Variants in ATP12A observed in about 807,000 individuals in gnomAD.
ATP12A encodes potassium-transporting ATPase alpha chain 2.
A neutral mutation model predicts 111.2 loss-of-function variants in ATP12A; 81 were observed. The observed-to-expected ratio is 0.73, with a 90% confidence interval of 0.61 to 0.88. The LOEUF is 0.88. ATP12A is among the 40% of genes least tolerant of loss of function. The probability of loss-of-function intolerance (pLI) is 0.00; values close to 1 mark genes in which losing one functional copy is unlikely to be tolerated. For missense variants in ATP12A, 1,196 were observed against 1,313.1 expected (o/e 0.91, Z 1.38); for synonymous variants, 498 against 499.8 (o/e 1.00, Z 0.05).
rs1350595324 is a variant in ATP12A, at chr13:24,687,310, A to T, written c.229-1009A>T. 8.5e-5 allele frequency among the ~76,000 whole-genome samples: 13 copies of T among 152,282 alleles called. 1 individual carries two copies. The East Asian group carries it at 2.1e-3, about 25-fold the overall frequency. On this transcript the variant is annotated intron_variant, in intron 3 of 22. Coordinates refer to ENST00000381946, the MANE Select transcript of ATP12A (RefSeq NM_001676.7). The stretch of plus-strand genomic sequence containing the variant: ...ACCCTGTCTCTACTAAAAATATTTT[A>T]AAAATTAGCCAAGTGTGGTGGCCGC...
chr13:24,707,618 C>T (rs566067850), intron 17 of ATP12A, among the ~76,000 whole-genome samples, 185 bp downstream of exon 17: 7 of 152,222 alleles, frequency 4.6e-5, no homozygotes, highest in African/African-American at 1.4e-4. Flanking sequence ...CCACATGCCA[C>T]ACCTCAAAGC....
chr13:24,709,631 A>G, intron 18 of ATP12A, 52 bp from the exon 19 acceptor site: 1 of 1,602,726 alleles, frequency 6.2e-7, no homozygotes, highest in Non-Finnish European at 8.5e-7. Context: ...AGGATGAGGC[A>G]GTTTCCTGAG....
chr13:24,680,754 T>C lies in ATP12A; in HGVS notation c.9+2T>C. ...CGCCACCAGCCCAGCATGCACCAGG[T>C]GCGTGCAGCCCCCGCGCCGGCCGAG... On this transcript the variant is annotated splice_donor_variant, in intron 1 of 22. Transcript: ENST00000381946. LOFTEE classifies it high-confidence loss of function. The C allele has an allele frequency of 6.7e-7, 1 of 1,499,390 alleles. No individual in the cohort carries two copies. The highest frequency in any genetic ancestry group is 8.8e-7 in the Non-Finnish European group (1 of 1,131,658). 92.9% of individuals were successfully genotyped at this position (1,499,390 alleles called of 1,614,324 possible).
rs184603181 is a variant in ATP12A at position 24,707,568 on chromosome 13, C to A, written c.2493+135C>A. On this transcript the variant is annotated intron_variant, in intron 17 of 22. Coordinates refer to ENST00000381946, the MANE Select transcript of ATP12A (RefSeq NM_001676.7). The stretch of plus-strand genomic sequence containing the variant: ...CCATGTGATGGGGCCTGTAGCTCTG[C>A]ATTTCTCACAGGTTCTCAGGTGGTG... The A allele has an allele frequency of 1.0e-5, 12 of 1,202,316 alleles. No homozygotes were observed. The Admixed American group carries it at 2.0e-4, about 20-fold the overall frequency. 74.5% of individuals were successfully genotyped at this position (1,202,316 alleles called of 1,614,324 possible).
intron 3 of ATP12A, among the ~76,000 whole-genome samples, chr13:24,687,400 G>A (rs1033512782): frequency 6.6e-6 from 1 of 152,018 alleles, no homozygotes; most frequent in African/African-American, 2.4e-5. Context: ...GGAGGAGGAG[G>A]TTGCAGTGAG....
At chr13:24,699,104 T>C (rs943141874) in intron 12 of ATP12A, among the ~76,000 whole-genome samples, 10 of 152,056 alleles carry the variant, frequency 6.6e-5, no homozygotes, top group African/African-American at 1.9e-4. Context: ...CTTAAGTGAC[T>C]GCATTTGAGG....
At chr13:24,706,233 C>T in intron 14 of ATP12A, 80 bp from the exon 15 acceptor site, 1 of 1,548,120 alleles carries the variant, frequency 6.5e-7, no homozygotes, top group East Asian at 2.3e-5. Flanking sequence ...AGAGAGGCTT[C>T]AGCCAGCATC....
rs748348836 is a variant in ATP12A at position 24,690,504 on chromosome 13, C to G, written c.681+32C>G. On this transcript the variant is annotated intron_variant, in intron 6 of 22. Transcript: ENST00000381946. ...GGCAAGGGGTATCCACCCCAAGGACCATGTTCCAAACCTGCTGGCTCTGGG... is the reference window on the plus strand; with the variant it reads ...GGCAAGGGGTATCCACCCCAAGGACGATGTTCCAAACCTGCTGGCTCTGGG... 6.0e-5 allele frequency: 97 copies of G among 1,611,398 alleles called. 1 individual carries two copies. In the South Asian group the frequency reaches 8.0e-4, roughly 13 times the overall value.
chr13:24,680,798 A>G, intron 1 of ATP12A, 46 bp downstream of exon 1: 3 of 1,470,424 alleles, frequency 2.0e-6, no homozygotes, highest in Middle Eastern at 1.9e-4. Flanking sequence ...ACGCTGGGCC[A>G]AGGCCCCGGG....
chr13:24,696,574 C>T (rs1875163973), intron 11 of ATP12A, among the ~76,000 whole-genome samples: 1 of 126,398 alleles, frequency 7.9e-6, no homozygotes, highest in Non-Finnish European at 1.7e-5. Context: ...TAGCCGGGCG[C>T]GGTGGCGGGC....
Position 24,698,657 on chromosome 13 carries a change from G to T in ATP12A, c.1513-1G>T. 1 of 1,612,894 alleles carries T rather than the reference G, an allele frequency of 6.2e-7. No homozygotes were observed. On this transcript the variant is annotated splice_acceptor_variant, in intron 11 of 22. Transcript: ENST00000381946. LOFTEE classifies it high-confidence loss of function. ...AACACGCTCAGTTCATTCCTTCCCAGCTCTCCATCCACGAGATGGATGACC... is the reference window on the plus strand; with the variant it reads ...AACACGCTCAGTTCATTCCTTCCCATCTCTCCATCCACGAGATGGATGACC...
chr13:24,710,444 C>T lies in ATP12A; in HGVS notation c.2764-16C>T. ...CTTTAGGCCTCAAGGTCTCTTCCTT[C>T]TCTGCCCATTAACAGACAAGGTACC... On this transcript the variant is annotated splice_polypyrimidine_tract_variant and intron_variant, in intron 19 of 22. Coordinates refer to ENST00000381946, the MANE Select transcript of ATP12A (RefSeq NM_001676.7). The T allele has an allele frequency of 6.2e-7, 1 of 1,613,454 alleles. No individual in the cohort carries two copies.
At position 24,706,402 on chromosome 13, in the gene ATP12A, T is replaced by C. The variant is rs1875640557; in HGVS notation, c.2108T>C (p.Ile703Thr). 9.9e-6 allele frequency: 16 copies of C among 1,614,208 alleles called. No homozygotes were observed. Among genetic ancestry groups the C allele is most frequent in the Non-Finnish European group, 1.4e-5 (16 of 1,180,038 alleles). ...GAGATCTTAGCCAACTACCAGGAGA[T>C]TGTCTTTGCCCGGACATCCCCCCAG... ...LDEILANYQE[I>T]VFARTSPQQK... The change falls in exon 15 of 23, where the codon ATT (isoleucine) becomes ACT (threonine). Residue 703 changes from isoleucine (I) to threonine (T), a missense_variant. Coordinates refer to ENST00000381946, the MANE Select transcript of ATP12A (RefSeq NM_001676.7).
chr13:24,697,110 A>G (rs1875200166), intron 11 of ATP12A, among the ~76,000 whole-genome samples: 1 of 152,220 alleles, frequency 6.6e-6, no homozygotes, highest in Non-Finnish European at 1.5e-5. Flanking sequence ...CCTGGGCTCA[A>G]ATCCCAGCTC....
At chr13:24,711,471 T>C (rs769182438) in intron 22 of ATP12A, 23 bp from the exon 23 acceptor site, 2 of 1,614,190 alleles carry the variant, frequency 1.2e-6, no homozygotes, top group Admixed American at 1.7e-5. Context: ...CCATTTCTGA[T>C]GTACTTTTTT....
chr13:24,684,706 C>A (rs3783069), intron 2 of ATP12A, among the ~76,000 whole-genome samples: 4,936 of 152,334 alleles, frequency 0.032, 206 homozygotes, highest in East Asian at 0.18. Context: ...GGGTGAGAAA[C>A]CCTGCTGTAG....
intron 15 of ATP12A, 41 bp downstream of exon 15, chr13:24,706,504 A>G (rs1875649921): frequency 1.2e-6 from 2 of 1,602,954 alleles, no homozygotes; most frequent in Non-Finnish European, 1.7e-6. Flanking sequence ...CAGGCCCATC[A>G]CTGTCCATGG....
rs1875937451 is a variant in ATP12A at position 24,710,887 on chromosome 13, T to C, written c.2993T>C (p.Met998Thr). Residue 998 changes from methionine (M) to threonine (T), a missense_variant, in exon 21 of 23, where the codon ATG becomes ACG. Met to Thr is a moderately conservative substitution (Grantham distance 81, BLOSUM62 -1). Transcript: ENST00000381946. ...AGTGTCACAGCCTTGAGTTTCACCATGCTTAGGTGAGTTCACCCTCAACAG... is the reference window on the plus strand; with the variant it reads ...AGTGTCACAGCCTTGAGTTTCACCACGCTTAGGTGAGTTCACCCTCAACAG... ...LGSVTALSFT[M>T]LRAQYWFVAV... The C allele has an allele frequency of 1.9e-6, 3 of 1,613,614 alleles. No individual in the cohort carries two copies. Among genetic ancestry groups the C allele is most frequent in the African/African-American group, 1.3e-5 (1 of 74,926 alleles).
At chr13:24,693,832 G>A (rs1036700342) in intron 10 of ATP12A, among the ~76,000 whole-genome samples, 12 of 152,208 alleles carry the variant, frequency 7.9e-5, no homozygotes, top group African/African-American at 2.2e-4. Flanking sequence ...CATAACTTTA[G>A]TATTTGTCAG....
Sources: allele counts gnomAD v4.1 joint callset (sites outside exome capture counted in the v4.1 genomes callset), GRCh38; gene constraint gnomAD v4.1.1; transcripts MANE v1.5; gene names NCBI Gene and HGNC (gene_info 2026-07-23, HGNC 2026-07-21).